Variants in STX8 observed in about 807,000 individuals in gnomAD.
STX8 encodes the protein syntaxin-8.
Under a neutral mutation model 37.5 loss-of-function variants are expected in STX8, and 23 were observed. The observed-to-expected ratio is 0.61, with a 90% CI of 0.44 to 0.87. STX8 has a LOEUF of 0.87. STX8 is among the 40% of genes least tolerant of loss of function. The pLI, the probability that STX8 is intolerant of heterozygous loss-of-function variation, is 0.00. For missense variants in STX8, 313 were observed against 284.7 expected, an observed-to-expected ratio of 1.10 and a Z score of -0.71; for synonymous variants, 115 against 99.1, an observed-to-expected ratio of 1.16 and a Z score of -0.95.
At chr17:9,566,408 G>A (rs1458333200) in intron 2 of STX8, among the ~76,000 whole-genome samples, 2 of 152,194 alleles carry the variant, frequency 1.3e-5, no homozygotes, top group African/African-American at 4.8e-5. Flanking sequence ...ATTCCTCAAC[G>A]TACTAAAAAC....
At chr17:9,486,776 T>G (rs573876825) in intron 6 of STX8, among the ~76,000 whole-genome samples, 1 of 152,190 alleles carries the variant, frequency 6.6e-6, no homozygotes, top group East Asian at 1.9e-4. Context: ...GGAGGATCAC[T>G]TGAGCCTGGG....
chr17:9,557,448 C>T lies in STX8; in HGVS notation c.198G>A (p.Val66=). The change falls in exon 3 of 8, where the codon GTG becomes GTA. Residue 66 remains valine (V), a synonymous_variant. Transcript: ENST00000306357. ...ALLKDLLLRA[V]STHQITQLEG... The stretch of plus-strand genomic sequence containing the variant: ...TACATGGATACATCTGATGTGTTGA[C>T]ACAGCTCTTAGCAATAAGTCCTTCA... 1 of 1,613,692 alleles carries T rather than the reference C, an allele frequency of 6.2e-7. No individual in the cohort carries two copies. The highest frequency in any genetic ancestry group is 1.1e-5 in the South Asian group (1 of 91,070).
At chr17:9,554,271 CAAACAA>C in intron 3 of STX8, 1 of 152,222 alleles carries the variant, frequency 6.6e-6, no homozygotes, top group Non-Finnish European at 1.5e-5. Flanking sequence ...AACAAACAAA[CAAACAA>C]AAACAAAAAA....
intron 7 of STX8, among the ~76,000 whole-genome samples, chr17:9,373,558 CAG>C (rs1339487899): frequency 3.9e-5 from 6 of 152,136 alleles, no homozygotes; most frequent in Admixed American, 2.0e-4. Context: ...ATCATATCTA[CAG>C]AGACAGAAAG....
At chr17:9,328,481 G>A (rs150110285) in intron 7 of STX8, among the ~76,000 whole-genome samples, 320 of 152,242 alleles carry the variant, frequency 2.1e-3, no homozygotes, top group Middle Eastern at 0.02. Flanking sequence ...CACTCCTTCT[G>A]AACGTGGGAA....
chr17:9,449,474 G>T (rs1372989232), intron 6 of STX8, among the ~76,000 whole-genome samples: 1 of 152,148 alleles, frequency 6.6e-6, no homozygotes, highest in African/African-American at 2.4e-5. Flanking sequence ...GCAGGAGAAT[G>T]GCGTGAACCC....
chr17:9,318,887 A>G (rs947729514), intron 7 of STX8, among the ~76,000 whole-genome samples: 3 of 152,200 alleles, frequency 2.0e-5, no homozygotes, highest in Admixed American at 6.5e-5. Flanking sequence ...ACAGGATAAC[A>G]ATGAATAGAA....
intron 7 of STX8, among the ~76,000 whole-genome samples, chr17:9,360,301 C>T (rs1280243192): frequency 7.3e-6 from 1 of 137,848 alleles, no homozygotes; most frequent in African/African-American, 2.8e-5. Flanking sequence ...GTGGTGCCAT[C>T]GCAGCTCACT....
intron 7 of STX8, among the ~76,000 whole-genome samples, chr17:9,317,688 C>T (rs141658516): frequency 0.017 from 2,637 of 151,960 alleles, 23 homozygotes; most frequent in Non-Finnish European, 0.03. Flanking sequence ...ATGTCGTGAA[C>T]CCGGGAGGTG....
At chr17:9,322,276 G>A (rs972600763) in intron 7 of STX8, among the ~76,000 whole-genome samples, 3 of 152,228 alleles carry the variant, frequency 2.0e-5, no homozygotes, top group African/African-American at 7.2e-5. Flanking sequence ...TGGGCTCACT[G>A]CCGGAATAAC....
intron 7 of STX8, among the ~76,000 whole-genome samples, chr17:9,255,557 T>TATATAA (rs1567756297): frequency 1.3e-3 from 140 of 109,788 alleles, no homozygotes; most frequent in African/African-American, 2.1e-3. Flanking sequence ...TAAATAAATA[T>TATATAA]ATAAATAAAT....
intron 7 of STX8, among the ~76,000 whole-genome samples, chr17:9,337,862 T>C (rs937528015): frequency 1.3e-5 from 2 of 151,960 alleles, no homozygotes; most frequent in Non-Finnish European, 2.9e-5. Context: ...ATGCCAACTG[T>C]TCAGGGTGGC....
intron 6 of STX8, among the ~76,000 whole-genome samples, chr17:9,428,986 A>T (rs1317771262): frequency 6.6e-6 from 1 of 152,120 alleles, no homozygotes; most frequent in Non-Finnish European, 1.5e-5. Flanking sequence ...CATGTTTTTC[A>T]AGTTCATAGC....
chr17:9,526,364 C>T (rs952984154), intron 4 of STX8, among the ~76,000 whole-genome samples: 40 of 152,156 alleles, frequency 2.6e-4, no homozygotes, highest in African/African-American at 9.4e-4. Context: ...CACATGGGAG[C>T]GTTGAGGCCT....
chr17:9,511,776 T>C (rs1818094457), intron 4 of STX8, among the ~76,000 whole-genome samples: 2 of 152,018 alleles, frequency 1.3e-5, no homozygotes, highest in Non-Finnish European at 1.5e-5. Context: ...GGCATTAAAA[T>C]TGGAAAGGAG....
intron 7 of STX8, among the ~76,000 whole-genome samples, chr17:9,273,722 T>C (rs1302505205): frequency 1.3e-5 from 2 of 152,394 alleles, no homozygotes; most frequent in East Asian, 3.9e-4. Flanking sequence ...TGGAGGCCAG[T>C]ACAGGCTATT....
chr17:9,424,197 C>T (rs867672025), intron 6 of STX8, among the ~76,000 whole-genome samples: 2 of 152,116 alleles, frequency 1.3e-5, no homozygotes, highest in East Asian at 1.9e-4. Flanking sequence ...GCTGTCAGTC[C>T]TGAGCCCTGA....
chr17:9,308,721 CAAAA>C (rs1171647976), intron 7 of STX8, among the ~76,000 whole-genome samples: 4 of 71,382 alleles, frequency 5.6e-5, no homozygotes, highest in South Asian at 1.1e-3. Flanking sequence ...GAAACTCCGT[CAAAA>C]AAAAAAAAAA....
At chr17:9,442,785 TG>T (rs757172131) in intron 6 of STX8, among the ~76,000 whole-genome samples, 4 of 152,122 alleles carry the variant, frequency 2.6e-5, no homozygotes, top group African/African-American at 9.7e-5. Flanking sequence ...ATTACAGCAC[TG>T]AGGGGCAAGC....
Sources: gnomAD v4.1 joint callset for allele counts (sites outside exome capture counted in the v4.1 genomes callset) on GRCh38, gnomAD v4.1.1 for gene constraint, MANE v1.5 for transcripts, NCBI Gene and HGNC (gene_info 2026-07-23, HGNC 2026-07-21) for gene names.